The following DBT variants were observed in gnomAD, a reference collection of about 807,000 sequenced individuals.
DBT encodes lipoamide acyltransferase component of branched-chain alpha-keto acid dehydrogenase complex, mitochondrial.
Under a neutral mutation model 51.3 loss-of-function variants are expected in DBT, and 40 were observed. The ratio of observed to expected loss-of-function variants is 0.78; its 90% confidence interval spans 0.61 to 1.02. DBT has a LOEUF of 1.02. Ranked by LOEUF, DBT falls within the 50% of genes least tolerant of loss-of-function variation. The probability of loss-of-function intolerance (pLI) is 0.00; values close to 1 mark genes in which losing one functional copy is unlikely to be tolerated. For missense variants in DBT, 510 were observed against 580.2 expected (o/e 0.88, Z 1.24); for synonymous variants, 181 against 190.4 (o/e 0.95, Z 0.41).
chr1:100,233,205 A>C (rs1663644005), intron 3 of DBT, among the ~76,000 whole-genome samples: 1 of 152,114 alleles, frequency 6.6e-6, no homozygotes, highest in African/African-American at 2.4e-5. Flanking sequence ...AAAAAAAGGA[A>C]AAAAAAAGAA....
chr1:100,247,774 T>G (rs1436606148), intron 1 of DBT, among the ~76,000 whole-genome samples: 1 of 151,364 alleles, frequency 6.6e-6, no homozygotes. Flanking sequence ...TGACCTGCTT[T>G]GAAGCTTTAC....
intron 4 of DBT, among the ~76,000 whole-genome samples, chr1:100,229,913 A>C (rs573637151): frequency 2.0e-5 from 3 of 152,354 alleles, no homozygotes; most frequent in Admixed American, 1.3e-4. Flanking sequence ...CAGGACATCT[A>C]TCACTTGTAA....
chr1:100,213,471 A>G, intron 7 of DBT: 2 of 1,551,962 alleles, frequency 1.3e-6, no homozygotes, highest in Non-Finnish European at 1.8e-6. Context: ...TACAACATCC[A>G]CAGCTGGACC....
intron 6 of DBT, 68 bp from the exon 7 acceptor site, chr1:100,215,051 TA>T: frequency 1.2e-5 from 13 of 1,129,524 alleles, no homozygotes; most frequent in Admixed American, 2.1e-5. Flanking sequence ...TTTTTTTTTT[TA>T]AAGAAACTAA....
rs529346632 is a variant in DBT at position 100,188,335 on chromosome 1, A to G, written c.*7920T>C. 23 of 152,198 alleles carry G rather than the reference A, an allele frequency of 1.5e-4. No homozygotes were observed. The highest frequency in any genetic ancestry group is 2.6e-4 in the Non-Finnish European group (18 of 68,034). 9.4% of individuals were successfully genotyped at this position (152,198 alleles called of 1,614,324 possible). ...TTACTACAGTTTGAACTCCAGCTAC[A>G]TTTTTCTAAGAAATTAAATTGCTAG... On this transcript the variant is annotated 3_prime_UTR_variant, in exon 11 of 11. Coordinates refer to ENST00000370132, the MANE Select transcript of DBT (RefSeq NM_001918.5).
In DBT at chr1:100,197,614, T is replaced by C. The variant is rs116154844; in HGVS notation, c.1282-1192A>G. Among the ~76,000 whole-genome samples the C allele has an allele frequency of 8.4e-3, 1,285 of 152,258 alleles. 11 individuals are homozygous for C. The highest frequency in any genetic ancestry group is 0.013 in the Non-Finnish European group (906 of 68,014). Reference sequence around the variant, plus strand: ...AGAACTGAATCCTGGGGTGCTTCCATGTGCAGAGATTAGGAACATTAGGAG... The same window carrying C: ...AGAACTGAATCCTGGGGTGCTTCCACGTGCAGAGATTAGGAACATTAGGAG... On this transcript the variant is annotated intron_variant, in intron 10 of 10. Transcript: ENST00000370132.
Position 100,204,623 on chromosome 1 carries a change from C to CA in DBT, c.1281+1606dup, listed in dbSNP as rs974681294. ...AACTACTTTAAATTTTATATGGAAC[C>CA]AAAAAAAAAGCCCACATAGCCAAGA... On this transcript the variant is annotated intron_variant, in intron 10 of 10. Transcript: ENST00000370132. Among the ~76,000 whole-genome samples the CA allele has an allele frequency of 9.8e-3, 1,470 of 150,062 alleles. 25 individuals carry two copies. The highest frequency in any genetic ancestry group is 0.034 in the African/African-American group (1,375 of 40,968).
chr1:100,239,687 G>A (rs950092190), intron 2 of DBT, among the ~76,000 whole-genome samples: 5 of 151,900 alleles, frequency 3.3e-5, no homozygotes, highest in African/African-American at 1.2e-4. Context: ...CCTGGGCACT[G>A]TGACAACATC....
At chr1:100,228,445 A>C (rs1300562358) in intron 4 of DBT, among the ~76,000 whole-genome samples, 1 of 152,206 alleles carries the variant, frequency 6.6e-6, no homozygotes, top group Non-Finnish European at 1.5e-5. Context: ...GGAAATCTAA[A>C]TATGGTCTGT....
Position 100,237,184 on chromosome 1 carries a change from T to A in DBT, c.176-1673A>T, listed in dbSNP as rs1297255096. 2.6e-5 allele frequency among the ~76,000 whole-genome samples: 4 copies of A among 152,268 alleles called. No homozygotes were observed. The South Asian group carries it at 6.2e-4, about 24-fold the overall frequency. On this transcript the variant is annotated intron_variant, in intron 2 of 10. Transcript: ENST00000370132. Reference sequence around the variant, plus strand: ...TTGGAATGCTGCCCTAAAATCCTCATGCAAGGAAGTTGATCTAGTCTACTG... The same window carrying A: ...TTGGAATGCTGCCCTAAAATCCTCAAGCAAGGAAGTTGATCTAGTCTACTG...
chr1:100,207,263 A>G (rs544934108), intron 8 of DBT, among the ~76,000 whole-genome samples: 1 of 152,176 alleles, frequency 6.6e-6, no homozygotes, highest in African/African-American at 2.4e-5. Context: ...AATTTCCTTG[A>G]AAACTGATTT....
At chr1:100,248,357 G>A (rs953732299) in intron 1 of DBT, among the ~76,000 whole-genome samples, 1 of 152,168 alleles carries the variant, frequency 6.6e-6, no homozygotes, top group East Asian at 1.9e-4. Flanking sequence ...CTGTATGCAT[G>A]GATACTTAAT....
intron 2 of DBT, among the ~76,000 whole-genome samples, chr1:100,237,631 G>T (rs1020143112): frequency 3.3e-5 from 5 of 152,064 alleles, no homozygotes; most frequent in Non-Finnish European, 5.9e-5. Context: ...CAGAAGTATA[G>T]AATTTATTAA....
At chr1:100,246,800 C>A (rs1429416133) in intron 1 of DBT, among the ~76,000 whole-genome samples, 1 of 152,076 alleles carries the variant, frequency 6.6e-6, no homozygotes, top group Non-Finnish European at 1.5e-5. Context: ...GACAAGTAAA[C>A]CGGTGATTAT....
At chr1:100,227,418 AATACAGATAGC>A in intron 4 of DBT, among the ~76,000 whole-genome samples, 1 of 9,806 alleles carries the variant, frequency 1.0e-4, no homozygotes, top group Non-Finnish European at 6.2e-4. Flanking sequence ...AGATAGCCCC[AATACAGATAGC>A]CCCAACTGAT....
intron 1 of DBT, among the ~76,000 whole-genome samples, chr1:100,245,135 T>C (rs1476385253): frequency 6.6e-6 from 1 of 152,052 alleles, no homozygotes; most frequent in Non-Finnish European, 1.5e-5. Flanking sequence ...ATTAGACTAG[T>C]AAATTATATT....
intron 4 of DBT, among the ~76,000 whole-genome samples, chr1:100,225,826 C>CAAAA (rs71084809): frequency 0.017 from 1,483 of 86,754 alleles, 105 homozygotes; most frequent in East Asian, 0.028. Flanking sequence ...CTCCATCTCA[C>CAAAA]AAAAAAAAAA....
At chr1:100,240,392 A>G (rs1664139911) in intron 2 of DBT, among the ~76,000 whole-genome samples, 1 of 152,126 alleles carries the variant, frequency 6.6e-6, no homozygotes, top group African/African-American at 2.4e-5. Flanking sequence ...GCTGGGCGAG[A>G]TAAGTTAATG....
intron 3 of DBT, among the ~76,000 whole-genome samples, chr1:100,235,023 T>C (rs1663784909): frequency 6.6e-6 from 1 of 152,178 alleles, no homozygotes; most frequent in East Asian, 1.9e-4. Context: ...TTTCAGGCCC[T>C]TTTTTGGACA....
Sources: allele counts gnomAD v4.1 joint callset (sites outside exome capture counted in the v4.1 genomes callset), GRCh38; gene constraint gnomAD v4.1.1; transcripts MANE v1.5; gene names NCBI Gene and HGNC (gene_info 2026-07-23, HGNC 2026-07-21).